RNASE4: variants seen among roughly 807,000 people sequenced by gnomAD.
RNASE4 encodes the protein ribonuclease 4.
For synonymous variants in RNASE4, 93 were observed against 71.4 expected (o/e 1.30, Z -1.52); for missense variants, 194 against 192.8 (o/e 1.01, Z -0.04).
intron 1 of RNASE4, chr14:20,688,623 G>C: frequency 2.3e-6 from 2 of 856,658 alleles, no homozygotes; most frequent in South Asian, 1.1e-4. Context: ...AATCCATTCA[G>C]GTGGGTTAAT....
chr14:20,695,382 G>T (rs925541177), intron 1 of RNASE4, among the ~76,000 whole-genome samples: 1 of 144,100 alleles, frequency 6.9e-6, no homozygotes, highest in African/African-American at 2.6e-5. Flanking sequence ...GCGACAGAGC[G>T]AGACTCCATC....
chr14:20,694,297 G>GTTTTTT (rs34921147), intron 1 of RNASE4: 28 of 213,368 alleles, frequency 1.3e-4, no homozygotes, highest in South Asian at 2.6e-4. Flanking sequence ...TTTTCTTTTC[G>GTTTTTT]TTTTTTTTTT....
At chr14:20,687,352 G>A (rs946840239) in intron 1 of RNASE4, among the ~76,000 whole-genome samples, 13 of 152,340 alleles carry the variant, frequency 8.5e-5, no homozygotes, top group African/African-American at 3.1e-4. Context: ...AGGCAGAGAA[G>A]GGACCTAACT....
At chr14:20,685,067 C>T (rs1018081108) in intron 1 of RNASE4, among the ~76,000 whole-genome samples, 1 of 152,172 alleles carries the variant, frequency 6.6e-6, no homozygotes, top group African/African-American at 2.4e-5. Flanking sequence ...CCTGCACTTG[C>T]CCACAACTAA....
rs182349795 is a variant in RNASE4, at chr14:20,697,301, A to T, written c.-17-2054A>T. 7.9e-5 allele frequency among the ~76,000 whole-genome samples: 12 copies of T among 151,232 alleles called. No homozygotes were observed. In the East Asian group the frequency reaches 2.3e-3, roughly 29 times the overall value. ...TGCCACCGGAAGAGCAAACCAAAGTATATTGATCTGCTGAAGCTATAATCC... is the reference window on the plus strand; with the variant it reads ...TGCCACCGGAAGAGCAAACCAAAGTTTATTGATCTGCTGAAGCTATAATCC... On this transcript the variant is annotated intron_variant, in intron 1 of 1. Coordinates refer to ENST00000555835, the MANE Select transcript of RNASE4 (RefSeq NM_002937.5).
At chr14:20,688,628 G>A in intron 1 of RNASE4, 2 of 916,404 alleles carry the variant, frequency 2.2e-6, no homozygotes, top group Non-Finnish European at 2.6e-6. Context: ...ATTCAGGTGG[G>A]TTAATATCTA....
In RNASE4 at chr14:20,699,980, T is replaced by C. The variant is rs991430941; in HGVS notation, c.*165T>C. 2.3e-5 allele frequency: 15 copies of C among 646,442 alleles called. No individual in the cohort carries two copies. Among genetic ancestry groups the C allele is most frequent in the African/African-American group, 1.8e-4 (10 of 54,458 alleles). The allele number at this position is 646,442 out of a possible 1,614,324, so 40.0% of individuals were successfully genotyped here. On this transcript the variant is annotated 3_prime_UTR_variant, in exon 2 of 2. Coordinates refer to ENST00000555835, the MANE Select transcript of RNASE4 (RefSeq NM_002937.5). ...TTAAATACATTGCACCAAAGAGATA[T>C]GGAGACATAAACCTGTAATGAATGA...
intron 1 of RNASE4, among the ~76,000 whole-genome samples, chr14:20,691,218 C>T (rs538614189): frequency 6.6e-6 from 1 of 152,160 alleles, no homozygotes; most frequent in East Asian, 1.9e-4. Flanking sequence ...TGCCACCTAA[C>T]GACTCTTTTA....
rs1334920164 is a variant in RNASE4, at chr14:20,701,085, C to CTT, written c.*1272_*1273dup. On this transcript the variant is annotated 3_prime_UTR_variant, in exon 2 of 2. Transcript: ENST00000555835. Reference sequence around the variant, plus strand: ...CCCCTGCCCGCTAGAGAATAACCCACTTTGACCGTAATTTCCCACTACCAA... The same window carrying CTT: ...CCCCTGCCCGCTAGAGAATAACCCACTTTTTGACCGTAATTTCCCACTACCAA... The CTT allele has an allele frequency of 6.6e-6, 1 of 152,182 alleles. No individual in the cohort carries two copies. The highest frequency in any genetic ancestry group is 1.5e-5 in the Non-Finnish European group (1 of 68,028). 9.4% of individuals were successfully genotyped at this position (152,182 alleles called of 1,614,324 possible). A position where few individuals can be genotyped will look rare whatever the true frequency, so the allele number is the denominator to read the frequency against.
At chr14:20,693,469 G>T in intron 1 of RNASE4, 1 of 1,575,410 alleles carries the variant, frequency 6.3e-7, no homozygotes, top group South Asian at 1.1e-5. Context: ...CCGTGTCAGA[G>T]AGCAAAGCTC....
chr14:20,694,034 G>A, intron 1 of RNASE4: 1 of 1,613,386 alleles, frequency 6.2e-7, no homozygotes, highest in Non-Finnish European at 8.5e-7. Context: ...TCAAGTGCTG[G>A]CTCTGCTGTC....
At chr14:20,691,314 G>C (rs1428715645) in intron 1 of RNASE4, among the ~76,000 whole-genome samples, 4 of 152,232 alleles carry the variant, frequency 2.6e-5, no homozygotes, top group Non-Finnish European at 4.4e-5. Context: ...GTGTAAGGCA[G>C]ACCTTTGACA....
rs1203142726 is a variant in RNASE4, at chr14:20,701,132, C to G, written c.*1317C>G. On this transcript the variant is annotated 3_prime_UTR_variant, in exon 2 of 2. Transcript: ENST00000555835. ...CCAACCCAAATCCTATAAAACTGCC[C>G]CACCCCATCTCCCTTTGCTGACTCC... 1 of 152,222 alleles carries G rather than the reference C, an allele frequency of 6.6e-6. No individual in the cohort carries two copies. The highest frequency in any genetic ancestry group is 1.5e-5 in the Non-Finnish European group (1 of 68,054). 9.4% of individuals were successfully genotyped at this position (152,222 alleles called of 1,614,324 possible).
chr14:20,699,395 A>G lies in RNASE4; in HGVS notation c.24A>G (p.Ser8=). The G allele has an allele frequency of 1.2e-6, 2 of 1,605,042 alleles. No homozygotes were observed. Among genetic ancestry groups the G allele is most frequent in the East Asian group, 2.2e-5 (1 of 44,640 alleles). The change falls in exon 2 of 2, where the codon TCA becomes TCG. Residue 8 remains serine, a synonymous_variant. Coordinates refer to ENST00000555835, the MANE Select transcript of RNASE4 (RefSeq NM_002937.5). The stretch of plus-strand genomic sequence containing the variant: ...TGATGGCTCTGCAGAGGACCCATTC[A>G]TTGCTTCTGCTTTTGCTGCTGACCC... The part of the protein sequence containing the change: MALQRTH[S]LLLLLLLTLL...
chr14:20,699,925 C>T lies in RNASE4; in HGVS notation c.*110C>T, dbSNP rs11541061. On this transcript the variant is annotated 3_prime_UTR_variant, in exon 2 of 2. Coordinates refer to ENST00000555835, the MANE Select transcript of RNASE4 (RefSeq NM_002937.5). ...AGGCTCTGTCTCCTCAGCTCATTTC[C>T]TACTCTTTTTCTCTATATAACTCAT... 0.25 allele frequency: 225,440 copies of T among 896,860 alleles called. 32,761 individuals carry two copies. Among genetic ancestry groups the T allele is most frequent in the East Asian group, 0.62 (25,438 of 41,180 alleles). 55.6% of individuals were successfully genotyped at this position (896,860 alleles called of 1,614,324 possible).
Position 20,699,474 on chromosome 14 carries a change from C to A in RNASE4, c.103C>A (p.Arg35=). ...PSYGQDGMYQ[R]FLRQHVHPEE... ...CTATGGCCAGGATGGCATGTACCAGCGATTCCTGCGGCAACACGTGCACCC... is the reference window on the plus strand; with the variant it reads ...CTATGGCCAGGATGGCATGTACCAGAGATTCCTGCGGCAACACGTGCACCC... Residue 35 remains arginine (R), a synonymous_variant, in exon 2 of 2, where the codon CGA becomes AGA. Transcript: ENST00000555835. 3.1e-6 allele frequency: 5 copies of A among 1,614,004 alleles called. No homozygotes were observed. The highest frequency in any genetic ancestry group is 4.2e-6 in the Non-Finnish European group (5 of 1,180,012).
intron 1 of RNASE4, among the ~76,000 whole-genome samples, chr14:20,698,621 A>T (rs542944146): frequency 8.5e-4 from 129 of 152,180 alleles, no homozygotes; most frequent in African/African-American, 2.9e-3. Context: ...GCTTTTTTTT[A>T]AAAAATAGAA....
At position 20,692,964 on chromosome 14, in the gene RNASE4, C is replaced by T. The variant is rs375036972; in HGVS notation, c.-17-6391C>T. On this transcript the variant is annotated intron_variant, in intron 1 of 1. Transcript: ENST00000555835. ...CCGGGTTCACGCCATTCTCCTGCCT[C>T]AGCCTCCCGAGTAGCTGGGACTACA... Among the ~76,000 whole-genome samples the T allele has an allele frequency of 5.9e-5, 9 of 152,114 alleles. 1 individual carries two copies. In the East Asian group the frequency reaches 1.2e-3, roughly 20 times the overall value.
chr14:20,698,381 G>C (rs1484133414), intron 1 of RNASE4, among the ~76,000 whole-genome samples: 1 of 152,174 alleles, frequency 6.6e-6, no homozygotes, highest in African/African-American at 2.4e-5. Context: ...ACAGCAAGGA[G>C]AAGAAGACAC....
Sources: gnomAD v4.1 joint callset for allele counts (sites outside exome capture counted in the v4.1 genomes callset) on GRCh38, gnomAD v4.1.1 for gene constraint, MANE v1.5 for transcripts, NCBI Gene and HGNC (gene_info 2026-07-23, HGNC 2026-07-21) for gene names.